ADH1B: variants seen among roughly 807,000 people sequenced by gnomAD.
The protein encoded by ADH1B is all-trans-retinol dehydrogenase [NAD(+)] ADH1B.
Under a neutral mutation model 34.6 loss-of-function variants are expected in ADH1B, and 29 were observed. The observed-to-expected ratio is 0.84, with a 90% confidence interval of 0.62 to 1.14. ADH1B has a LOEUF of 1.14. Ranked by LOEUF, ADH1B falls within the 50% of genes most tolerant of loss-of-function variation. The pLI is 0.00. For synonymous variants in ADH1B, 170 were observed against 175.5 expected (o/e 0.97, Z 0.25); for missense variants, 424 against 468.4 (o/e 0.91, Z 0.87).
intron 1 of ADH1B, chr4:99,320,053 T>C (rs55637279): frequency 1.3e-5 from 2 of 152,174 alleles, no homozygotes; most frequent in African/African-American, 4.8e-5. Context: ...CATTGATTAA[T>C]TTTTAATTTC....
At chr4:99,314,207 A>G (rs766709196) in intron 5 of ADH1B, 126 bp from the exon 6 acceptor site, 51 of 1,465,362 alleles carry the variant, frequency 3.5e-5, no homozygotes, top group Non-Finnish European at 4.3e-5. Flanking sequence ...ACCGTTTATC[A>G]AAACCTCTTT....
In ADH1B at chr4:99,305,791, G is replaced by C. The variant is rs574615383; in HGVS notation, c.*2049C>G. ...TGCTCCCCGAACCTGGGAGGAAGGC[G>C]GGTGGGAGCTGGATGTCAGCTTCTG... On this transcript the variant is annotated 3_prime_UTR_variant, in exon 9 of 9. Coordinates refer to ENST00000305046, the MANE Select transcript of ADH1B (RefSeq NM_000668.6). 6.6e-6 allele frequency: 1 copy of C among 151,528 alleles called. No individual in the cohort carries two copies. The highest frequency in any genetic ancestry group is 1.5e-5 in the Non-Finnish European group (1 of 67,900). 9.4% of individuals were successfully genotyped at this position (151,528 alleles called of 1,614,324 possible).
chr4:99,313,459 T>G (rs1579510983), intron 6 of ADH1B: 1 of 221,858 alleles, frequency 4.5e-6, no homozygotes, highest in Non-Finnish European at 8.7e-6. Flanking sequence ...ACCATTTTTG[T>G]TAAGAATGTA....
chr4:99,308,367 A>G (rs1733665681), intron 8 of ADH1B, among the ~76,000 whole-genome samples: 1 of 149,496 alleles, frequency 6.7e-6, no homozygotes, highest in African/African-American at 2.5e-5. Context: ...CACATCTAGT[A>G]TGGAGTGTTG....
intron 3 of ADH1B, chr4:99,317,534 A>G (rs1733916896): frequency 1.3e-5 from 2 of 152,530 alleles, no homozygotes. Flanking sequence ...AAGAGACACC[A>G]TGTTGGAAGA....
intron 6 of ADH1B, among the ~76,000 whole-genome samples, chr4:99,313,076 G>C (rs934788632): frequency 6.6e-6 from 1 of 151,122 alleles, no homozygotes; most frequent in Admixed American, 6.6e-5. Flanking sequence ...ACCCAGGCTG[G>C]AGTGCAATGG....
intron 1 of ADH1B, chr4:99,319,302 C>G: frequency 4.1e-6 from 1 of 243,758 alleles, no homozygotes; most frequent in Non-Finnish European, 8.1e-6. Flanking sequence ...CTTTATTGCT[C>G]AATTTTCTGC....
chr4:99,313,275 A>G (rs1224236765), intron 6 of ADH1B, among the ~76,000 whole-genome samples: 1 of 152,158 alleles, frequency 6.6e-6, no homozygotes, highest in Non-Finnish European at 1.5e-5. Flanking sequence ...GCTATGTGCC[A>G]GGCACTGTCC....
intron 8 of ADH1B, 49 bp from the exon 9 acceptor site, chr4:99,307,913 TG>T (rs1411934049): frequency 6.2e-7 from 1 of 1,612,744 alleles, no homozygotes; most frequent in Non-Finnish European, 8.5e-7. Flanking sequence ...ACAACCCACA[TG>T]CTTGTTGTGA....
intron 8 of ADH1B, 141 bp downstream of exon 8, chr4:99,310,624 T>A: frequency 8.5e-7 from 1 of 1,180,694 alleles, no homozygotes; most frequent in Non-Finnish European, 1.2e-6. Context: ...TGATCCTACA[T>A]ACGCTCCATG....
chr4:99,314,290 G>T, intron 5 of ADH1B: 2 of 763,742 alleles, frequency 2.6e-6, no homozygotes, highest in Non-Finnish European at 4.1e-6. Context: ...ATGCATATTA[G>T]ATTCATCTGG....
At chr4:99,320,951 C>T (rs1327881661) in intron 1 of ADH1B, 7 of 1,215,710 alleles carry the variant, frequency 5.8e-6, no homozygotes, top group Admixed American at 3.1e-5. Context: ...AATAATAACA[C>T]ATTTGAATTA....
rs201212428 is a variant in ADH1B at position 99,313,680 on chromosome 4, C to G, written c.828+141G>C. On this transcript the variant is annotated intron_variant, in intron 6 of 8. Transcript: ENST00000305046. The stretch of plus-strand genomic sequence containing the variant: ...AAGATTTCTCATAACAAAAATTAAA[C>G]AAGCCACATAACAAACAGATGATGG... The G allele has an allele frequency of 3.9e-5, 58 of 1,472,842 alleles. No individual in the cohort carries two copies. The South Asian group carries it at 7.0e-4, about 18-fold the overall frequency. The allele number at this position is 1,472,842 out of a possible 1,614,324, so 91.2% of individuals were successfully genotyped here. A position where few individuals can be genotyped will look rare whatever the true frequency, so the allele number is the denominator to read the frequency against.
At chr4:99,312,850 C>T (rs904714859) in intron 6 of ADH1B, among the ~76,000 whole-genome samples, 1 of 150,940 alleles carries the variant, frequency 6.6e-6, no homozygotes, top group Non-Finnish European at 1.5e-5. Flanking sequence ...GAGACCCTGT[C>T]TCAAAAAAAA....
chr4:99,315,825 G>GC, intron 5 of ADH1B, 73 bp downstream of exon 5: 1 of 1,565,014 alleles, frequency 6.4e-7, no homozygotes, highest in Non-Finnish European at 8.8e-7. Context: ...TCTGATTCTT[G>GC]CAAGAAATTG....
rs771842423 is a variant in ADH1B at position 99,316,255 on chromosome 4, C to T, written c.307G>A (p.Val103Ile). 1 of 1,614,152 alleles carries T rather than the reference C, an allele frequency of 6.2e-7. No individual in the cohort carries two copies. ...LFTPQCGKCR[V>I]CKNPESNYCL... ...TAGTTGCTCTCCGGGTTTTTACAAA[C>T]TCTGCATTTTCCACACTGAGGAGTA... Residue 103 changes from valine to isoleucine, a missense_variant, in exon 4 of 9, where the codon GTT (valine) becomes ATT (isoleucine). Around this residue, in one of 3 missense-constraint regions of ADH1B, gnomAD observed 291 missense variants for 300.4 expected, o/e 0.97. Transcript: ENST00000305046.
intron 1 of ADH1B, chr4:99,320,575 GT>G: frequency 5.4e-6 from 1 of 186,520 alleles, no homozygotes; most frequent in Non-Finnish European, 1.1e-5. Context: ...GAGCAAATAA[GT>G]ACAAATTTAT....
chr4:99,319,672 G>C (rs1220215651), intron 1 of ADH1B: 1 of 152,178 alleles, frequency 6.6e-6, no homozygotes, highest in Non-Finnish European at 1.5e-5. Context: ...CTTATCCATA[G>C]ATGTTCTTAA....
At position 99,315,970 on chromosome 4, in the gene ADH1B, C is replaced by A; in HGVS notation, c.495G>T (p.Ser165=). ...ENAVAKIDAA[S]PLEKVCLIGC... is the part of the protein sequence containing the mutation. ...CAATGAGGCAGACTTTCTCCAGGGG[C>A]GAGGCTGCATCAATTTTGGCCACTG... The change falls in exon 5 of 9, where the codon TCG becomes TCT. Residue 165 remains serine, a synonymous_variant. Transcript: ENST00000305046. 1 of 1,614,140 alleles carries A rather than the reference C, an allele frequency of 6.2e-7. No homozygotes were observed. The highest frequency in any genetic ancestry group is 2.2e-5 in the East Asian group (1 of 44,894).
Sources: gnomAD v4.1 joint callset for allele counts (sites outside exome capture counted in the v4.1 genomes callset) on GRCh38, gnomAD v4.1.1 for gene constraint, gnomAD v4.1.1 regional missense constraint, MANE v1.5 for transcripts, NCBI Gene and HGNC (gene_info 2026-07-23, HGNC 2026-07-21) for gene names.